BSCL2: variants seen among roughly 807,000 people sequenced by gnomAD.
BSCL2 encodes BSCL2 lipid droplet biogenesis associated, seipin.
In BSCL2, 41 loss-of-function variants were observed where a neutral mutation model predicts 57.4. That is an observed-to-expected ratio of 0.71 (90% CI 0.56 to 0.93). The LOEUF (loss-of-function observed/expected upper bound fraction) is 0.93, where lower values mean the gene tolerates loss of function less well. BSCL2 is among the 40% of genes least tolerant of loss of function. The pLI is 0.00. For synonymous variants in BSCL2, 237 were observed against 227.3 expected, an observed-to-expected ratio of 1.04 and a Z score of -0.38; for missense variants, 539 against 586.7, an observed-to-expected ratio of 0.92 and a Z score of 0.84.
intron 8 of BSCL2, 72 bp from the exon 9 acceptor site, chr11:62,690,939 C>T: frequency 6.3e-7 from 1 of 1,580,440 alleles, no homozygotes; most frequent in African/African-American, 1.3e-5. Context: ...GCCAACCTCA[C>T]CTTCCTCGCC....
In BSCL2 at chr11:62,694,109, C is replaced by T. The variant is rs138289505; in HGVS notation, c.630+459G>A. On this transcript the variant is annotated intron_variant, in intron 4 of 10. Transcript: ENST00000360796. ...GATTACAGGCATGAGCCACTGCGCC[C>T]GGCCTTGATTCCCTTCTTTATCCTG... is the stretch of plus-strand genomic sequence containing the variant. Among the ~76,000 whole-genome samples the T allele has an allele frequency of 9.7e-4, 148 of 151,880 alleles. 2 individuals carry two copies. Among genetic ancestry groups the T allele is most frequent in the Middle Eastern group, 6.8e-3 (2 of 294 alleles).
chr11:62,705,840 T>C lies in BSCL2; in HGVS notation c.88-223A>G, dbSNP rs966168213. On this transcript the variant is annotated intron_variant, in intron 1 of 10. Transcript: ENST00000360796. ...CCAGTGCTAAATCTCCTCAGTGGAA[T>C]TCCTTCTCCAGTCATTTGATGCTGG... 3 of 548,294 alleles carry C rather than the reference T, an allele frequency of 5.5e-6. No homozygotes were observed. The African/African-American group carries it at 5.6e-5, about 10-fold the overall frequency. 34.0% of individuals were successfully genotyped at this position (548,294 alleles called of 1,614,324 possible).
chr11:62,697,113 G>C (rs1359067238), intron 3 of BSCL2, among the ~76,000 whole-genome samples: 1 of 152,062 alleles, frequency 6.6e-6, no homozygotes, highest in Non-Finnish European at 1.5e-5. Context: ...AATCCATGCC[G>C]GCCGGGCGCG....
chr11:62,693,135 TCCC>T (rs371078104), intron 4 of BSCL2, among the ~76,000 whole-genome samples: 1 of 152,082 alleles, frequency 6.6e-6, no homozygotes, highest in Non-Finnish European at 1.5e-5. Context: ...TCTGAAGCTT[TCCC>T]CCCATCATGT....
At chr11:62,692,317 T>C in intron 6 of BSCL2, 59 bp downstream of exon 6, 1 of 1,553,174 alleles carries the variant, frequency 6.4e-7, no homozygotes, top group Non-Finnish European at 8.9e-7. Context: ...GGGACCCTCT[T>C]GGTGGAAGGT....
At chr11:62,708,179 AG>A, upstream of BSCL2, 9 of 750,852 alleles carry the variant, frequency 1.2e-5, no homozygotes, top group Non-Finnish European at 2.2e-5. Flanking sequence ...GGAGGAGGAT[AG>A]GAGGGGAACA....
chr11:62,703,249 T>C (rs997311732), intron 2 of BSCL2, among the ~76,000 whole-genome samples: 1 of 151,504 alleles, frequency 6.6e-6, no homozygotes, highest in Non-Finnish European at 1.5e-5. Context: ...TCCAAAAGGA[T>C]CTACAGATGG....
At chr11:62,691,239 A>T in intron 7 of BSCL2, 41 bp downstream of exon 7, 1 of 1,614,152 alleles carries the variant, frequency 6.2e-7, no homozygotes. Flanking sequence ...GACCACCCAC[A>T]AAGATCAAAG....
chr11:62,704,619 G>A (rs187018784), intron 2 of BSCL2, among the ~76,000 whole-genome samples: 4 of 152,044 alleles, frequency 2.6e-5, no homozygotes, highest in Admixed American at 2.6e-4. Context: ...AGATGTGGTG[G>A]CACACACCTG....
In BSCL2 at chr11:62,702,573, C is replaced by A. The variant is rs533688134; in HGVS notation, c.405-24G>T. 2.9e-4 allele frequency: 465 copies of A among 1,595,578 alleles called. No individual in the cohort carries two copies. The South Asian group carries it at 3.6e-3, about 12-fold the overall frequency. ...TCCTAAATGAGATTGGAGGAGGATA[C>A]TCTGCTAAGTTAGTCTTACTAGTCC... On this transcript the variant is annotated intron_variant, in intron 2 of 10. Transcript: ENST00000360796.
chr11:62,707,116 T>C lies in BSCL2; in HGVS notation c.80A>G (p.Lys27Arg). The C allele has an allele frequency of 6.4e-7, 1 of 1,553,638 alleles. No individual in the cohort carries two copies. Among genetic ancestry groups the C allele is most frequent in the Non-Finnish European group, 8.7e-7 (1 of 1,147,480 alleles). Residue 27 changes from lysine (K) to arginine (R), a missense_variant, in exon 1 of 11, where the codon AAA (lysine) becomes AGA (arginine). Physicochemically the swap from Lys to Arg is conservative, Grantham distance 26. Transcript: ENST00000360796. ...VCGDQIKGPD[K>R]EEEPPAAASH... ...CCCCACAAGGGCCCCTACCTCCTCT[T>C]TGTCCGGTCCTTTGATCTGGTCTCC...
intron 4 of BSCL2, among the ~76,000 whole-genome samples, chr11:62,693,446 G>A (rs968521929): frequency 2.0e-5 from 3 of 152,094 alleles, no homozygotes; most frequent in East Asian, 1.9e-4. Context: ...GAAGGTTGCC[G>A]TGAGCCGAGA....
At chr11:62,702,573 C>T in intron 2 of BSCL2, 24 bp from the exon 3 acceptor site, 1 of 1,595,580 alleles carries the variant, frequency 6.3e-7, no homozygotes, top group Non-Finnish European at 8.6e-7. Context: ...GAGGAGGATA[C>T]TCTGCTAAGT....
chr11:62,697,788 T>G (rs1357051745), intron 3 of BSCL2, among the ~76,000 whole-genome samples: 8 of 146,002 alleles, frequency 5.5e-5, no homozygotes, highest in African/African-American at 7.6e-5. Context: ...AGAGAGACTC[T>G]GTATCAAAAA....
At chr11:62,697,312 G>GT (rs1292597511) in intron 3 of BSCL2, among the ~76,000 whole-genome samples, 2 of 148,916 alleles carry the variant, frequency 1.3e-5, no homozygotes, top group African/African-American at 2.5e-5. Flanking sequence ...GGAGAATGGC[G>GT]TGAACCCGGG....
chr11:62,707,161 GCTTCCTC>G lies in BSCL2; in HGVS notation c.28_34del (p.Glu10LeufsTer144). 2 of 1,554,304 alleles carry G rather than the reference GCTTCCTC, an allele frequency of 1.3e-6. No homozygotes were observed. The highest frequency in any genetic ancestry group is 1.7e-6 in the Non-Finnish European group (2 of 1,147,774). Reference sequence around the variant, plus strand: ...GTCTCCGCACACCTCTTTTTCCCCAGCTTCCTCCTTTTGGTCTACCTTTTCTGTAGAC... The same window carrying G: ...GTCTCCGCACACCTCTTTTTCCCCAGCTTTTGGTCTACCTTTTCTGTAGAC... On this transcript the variant is annotated frameshift_variant, in exon 1 of 11. Transcript: ENST00000360796. LOFTEE classifies it high-confidence loss of function.
intron 2 of BSCL2, among the ~76,000 whole-genome samples, chr11:62,703,878 G>A (rs1945727087): frequency 6.6e-6 from 1 of 151,472 alleles, no homozygotes; most frequent in South Asian, 2.1e-4. Flanking sequence ...CCAGCACTTT[G>A]GGAGGCCAAG....
rs1346497553 is a variant in BSCL2, at chr11:62,690,696, C to T, written c.1154-4G>A. 1.2e-6 allele frequency: 2 copies of T among 1,613,688 alleles called. No homozygotes were observed. The highest frequency in any genetic ancestry group is 1.7e-6 in the Non-Finnish European group (2 of 1,180,010). ...TCCTCCTCGGACAGCTGACCCTCTGCAGCCAAAAGGGGAATGCAGGGGTCA... is the reference window on the plus strand; with the variant it reads ...TCCTCCTCGGACAGCTGACCCTCTGTAGCCAAAAGGGGAATGCAGGGGTCA... On this transcript the variant is annotated splice_region_variant and splice_polypyrimidine_tract_variant and intron_variant, in intron 9 of 10. Transcript: ENST00000360796.
At chr11:62,695,131 C>T (rs953141946) in intron 3 of BSCL2, among the ~76,000 whole-genome samples, 1 of 152,232 alleles carries the variant, frequency 6.6e-6, no homozygotes, top group African/African-American at 2.4e-5. Flanking sequence ...AGCTCTGGCA[C>T]AGTCATCCTC....
Sources: allele counts gnomAD v4.1 joint callset (sites outside exome capture counted in the v4.1 genomes callset), GRCh38; gene constraint gnomAD v4.1.1; transcripts MANE v1.5; gene names NCBI Gene and HGNC (gene_info 2026-07-23, HGNC 2026-07-21).